Variants in PRRC2C observed in about 807,000 individuals in gnomAD.
PRRC2C encodes protein PRRC2C.
A neutral mutation model predicts 317.2 loss-of-function variants in PRRC2C; 72 were observed. The observed-to-expected ratio is 0.23, with a 90% CI of 0.19 to 0.28. PRRC2C has a LOEUF of 0.28. Among genes scored for constraint, PRRC2C ranks in the 10% least tolerant of loss-of-function variants. The probability of loss-of-function intolerance (pLI) is 1.00; values close to 1 mark genes in which losing one functional copy is unlikely to be tolerated. For synonymous variants in PRRC2C, 1,296 were observed against 1,205.9 expected (o/e 1.07, Z -1.55); for missense variants, 3,074 against 3,459.7 (o/e 0.89, Z 2.80).
rs141440979 is a variant in PRRC2C, at chr1:171,557,871, C to G, written c.5759C>G (p.Pro1920Arg). ...SASAPAPAPT[P>R]VSAPNPAPPA... is the part of the protein sequence containing the mutation. ...TCAGCCCCAGCCCCAGCCCCTACCCCAGTCTCAGCCCCAAATCCTGCCCCA... is the reference window on the plus strand; with the variant it reads ...TCAGCCCCAGCCCCAGCCCCTACCCGAGTCTCAGCCCCAAATCCTGCCCCA... The change falls in exon 19 of 35, where the codon CCA becomes CGA. Residue 1920 changes from proline to arginine, a missense_variant. By Grantham distance (103) the Pro-to-Arg change is moderately radical (BLOSUM62 -2). This residue lies in a region of PRRC2C where 640 missense variants were observed against 676.1 expected (regional missense o/e 0.95). Coordinates refer to ENST00000647382, the MANE Select transcript of PRRC2C (RefSeq NM_001387844.1). 1.4e-5 allele frequency: 22 copies of G among 1,543,320 alleles called. No individual in the cohort carries two copies. The highest frequency in any genetic ancestry group is 1.9e-5 in the Non-Finnish European group (22 of 1,142,630).
chr1:171,516,974 C>G (rs886575591), intron 5 of PRRC2C, among the ~76,000 whole-genome samples: 1 of 152,158 alleles, frequency 6.6e-6, no homozygotes, highest in South Asian at 2.1e-4. Context: ...GTTACACAGA[C>G]CAACCCTGCT....
chr1:171,522,162 G>A lies in PRRC2C; in HGVS notation c.751-15G>A, dbSNP rs769881542. 1.4e-6 allele frequency: 2 copies of A among 1,471,886 alleles called. No individual in the cohort carries two copies. The highest frequency in any genetic ancestry group is 1.8e-6 in the Non-Finnish European group (2 of 1,085,168). 91.2% of individuals were successfully genotyped at this position (1,471,886 alleles called of 1,614,324 possible). A position where few individuals can be genotyped will look rare whatever the true frequency, so the allele number is the denominator to read the frequency against. ...GTTGCTAAATTTATCACAATTTTTT[G>A]TTTCCTTCATTCAGATGTTCCAACA... On this transcript the variant is annotated splice_polypyrimidine_tract_variant and intron_variant, in intron 6 of 34. Coordinates refer to ENST00000647382, the MANE Select transcript of PRRC2C (RefSeq NM_001387844.1).
chr1:171,513,509 A>G (rs1011964355), intron 3 of PRRC2C: 2 of 461,868 alleles, frequency 4.3e-6, no homozygotes, highest in South Asian at 3.2e-5. Flanking sequence ...CCATGATACT[A>G]AGGATGTCTG....
intron 18 of PRRC2C, among the ~76,000 whole-genome samples, chr1:171,552,513 T>G (rs528698635): frequency 6.6e-6 from 1 of 152,234 alleles, no homozygotes; most frequent in African/African-American, 2.4e-5. Flanking sequence ...AATAGGAGTG[T>G]TAAGAGAGGG....
chr1:171,512,184 A>G lies in PRRC2C; in HGVS notation c.96A>G (p.Glu32=). 1 of 1,564,858 alleles carries G rather than the reference A, an allele frequency of 6.4e-7. No individual in the cohort carries two copies. Residue 32 remains glutamate, a synonymous_variant, in exon 2 of 35, where the codon GAA becomes GAG. Coordinates refer to ENST00000647382, the MANE Select transcript of PRRC2C (RefSeq NM_001387844.1). The part of the protein sequence containing the change: ...LFNTYKGKSL[E]TQKTTVAARH... ...ATACTTACAAGGGGAAATCATTAGA[A>G]ACACAGAAAACCACAGGTGAGTAAA...
chr1:171,486,377 A>C (rs1357826092), intron 1 of PRRC2C, among the ~76,000 whole-genome samples: 1 of 151,682 alleles, frequency 6.6e-6, no homozygotes, highest in African/African-American at 2.4e-5. Context: ...TCCATCCTCT[A>C]ACTTGCGTGG....
chr1:171,514,633 G>T lies in PRRC2C; in HGVS notation c.388G>T (p.Gly130Trp). The change falls in exon 4 of 35, where the codon GGG becomes TGG. Residue 130 changes from glycine (G) to tryptophan (W), a missense_variant. By Grantham distance (184) the Gly-to-Trp change is radical. This residue lies in a region of PRRC2C where 237 missense variants were observed against 199.5 expected (regional missense o/e 1.19). Coordinates refer to ENST00000647382, the MANE Select transcript of PRRC2C (RefSeq NM_001387844.1). ...ATCATGGGCCAGTAACAAGCAAGGT[G>T]GGCAAGGAGATGGTAAGTGGACATT... ...PKSWASNKQG[G>W]QGDGIQVNSQ... The T allele has an allele frequency of 6.4e-7, 1 of 1,556,368 alleles. No individual in the cohort carries two copies. The highest frequency in any genetic ancestry group is 8.7e-7 in the Non-Finnish European group (1 of 1,149,830).
intron 28 of PRRC2C, among the ~76,000 whole-genome samples, chr1:171,580,798 G>A (rs1174961336): frequency 6.6e-6 from 1 of 152,188 alleles, no homozygotes; most frequent in Non-Finnish European, 1.5e-5. Context: ...ACTCATGATG[G>A]TGGCCTTAAA....
intron 20 of PRRC2C, among the ~76,000 whole-genome samples, chr1:171,562,434 C>T (rs575970600): frequency 2.0e-5 from 3 of 152,222 alleles, no homozygotes; most frequent in Admixed American, 2.0e-4. Context: ...TCTGGGTTGT[C>T]TGTGAAAAAT....
chr1:171,517,086 A>G (rs1309956992), intron 5 of PRRC2C, among the ~76,000 whole-genome samples: 2 of 152,158 alleles, frequency 1.3e-5, no homozygotes, highest in Non-Finnish European at 2.9e-5. Context: ...TAGCAAAACC[A>G]CCTAGCTGTT....
chr1:171,524,080 T>C (rs1674109813), intron 9 of PRRC2C, among the ~76,000 whole-genome samples: 1 of 151,848 alleles, frequency 6.6e-6, no homozygotes, highest in South Asian at 2.1e-4. Flanking sequence ...AGTTTGGAGA[T>C]CTTTTGAGAA....
intron 28 of PRRC2C, among the ~76,000 whole-genome samples, chr1:171,582,873 A>C (rs779523788): frequency 2.0e-5 from 3 of 149,988 alleles, no homozygotes; most frequent in South Asian, 2.2e-4. Context: ...AAAAAAAACA[A>C]ATTTTTCTTC....
At chr1:171,586,913 A>T in intron 30 of PRRC2C, 90 bp from the exon 31 acceptor site, 2 of 1,022,030 alleles carry the variant, frequency 2.0e-6, no homozygotes, top group Admixed American at 4.6e-5. Flanking sequence ...ATCTTACTCA[A>T]AAGTATTTGA....
intron 9 of PRRC2C, among the ~76,000 whole-genome samples, chr1:171,524,511 C>T (rs1674205190): frequency 6.6e-6 from 1 of 151,902 alleles, no homozygotes; most frequent in South Asian, 2.1e-4. Context: ...ATAATAATTC[C>T]AATATTACCC....
chr1:171,542,263 C>A (rs755098544), intron 16 of PRRC2C, 34 bp downstream of exon 16: 3 of 1,448,118 alleles, frequency 2.1e-6, no homozygotes, highest in Admixed American at 2.8e-5. Context: ...GTTGCTTTTG[C>A]ACCTTTAAAG....
rs1250053490 is a variant in PRRC2C at position 171,540,752 on chromosome 1, A to G, written c.3286A>G (p.Thr1096Ala). The G allele has an allele frequency of 1.2e-5, 19 of 1,613,892 alleles. No homozygotes were observed. The highest frequency in any genetic ancestry group is 1.6e-5 in the Non-Finnish European group (19 of 1,179,886). Residue 1096 changes from threonine (T) to alanine (A), a missense_variant, in exon 16 of 35, where the codon ACT becomes GCT. This residue lies in a region of PRRC2C where 1,320 missense variants were observed against 1,395.7 expected (regional missense o/e 0.95). Coordinates refer to ENST00000647382, the MANE Select transcript of PRRC2C (RefSeq NM_001387844.1). The part of the protein sequence containing the change: ...AEKFPSTETA[T>A]LAQKPSQDTE... ...GAAATTTCCTTCAACAGAAACTGCA[A>G]CTTTGGCTCAAAAACCATCTCAGGA...
intron 19 of PRRC2C, among the ~76,000 whole-genome samples, chr1:171,559,582 C>T (rs1444118387): frequency 3.1e-5 from 4 of 129,830 alleles, no homozygotes; most frequent in Non-Finnish European, 4.6e-5. Flanking sequence ...AGTGCAGTGG[C>T]TCAATCTCAG....
intron 1 of PRRC2C, among the ~76,000 whole-genome samples, chr1:171,492,363 C>G (rs1667307714): frequency 6.6e-6 from 1 of 152,066 alleles, no homozygotes; most frequent in Non-Finnish European, 1.5e-5. Context: ...ATATTTATGA[C>G]AAACTTGAAC....
intron 15 of PRRC2C, among the ~76,000 whole-genome samples, chr1:171,538,074 G>A (rs1181546708): frequency 6.6e-6 from 1 of 152,082 alleles, no homozygotes; most frequent in African/African-American, 2.4e-5. Context: ...CTAAATTTTT[G>A]TATTTTTAGT....
Sources: allele counts gnomAD v4.1 joint callset (sites outside exome capture counted in the v4.1 genomes callset), GRCh38; gene constraint gnomAD v4.1.1; regional missense constraint gnomAD v4.1.1; transcripts MANE v1.5; gene names NCBI Gene and HGNC (gene_info 2026-07-23, HGNC 2026-07-21).